The following HELQ variants were observed in gnomAD, a reference collection of about 807,000 sequenced individuals.
HELQ encodes helicase, POLQ like, also known as helicase POLQ-like.
A neutral mutation model predicts 111.6 loss-of-function variants in HELQ; 77 were observed. That is an observed-to-expected ratio of 0.69 (90% confidence interval 0.57 to 0.83). The LOEUF is 0.83. Ranked by LOEUF, HELQ falls within the 40% of genes least tolerant of loss-of-function variation. HELQ has a pLI of 0.00. For synonymous variants in HELQ, 438 were observed against 454.7 expected (o/e 0.96, Z 0.47); for missense variants, 1,200 against 1,288.5 (o/e 0.93, Z 1.05).
intron 6 of HELQ, among the ~76,000 whole-genome samples, chr4:83,441,770 C>CTTT (rs34655032): frequency 3.2e-5 from 4 of 123,834 alleles, no homozygotes; most frequent in Non-Finnish European, 3.4e-5. Context: ...AAAACTTTGT[C>CTTT]TTTTTTTTTT....
At chr4:83,424,309 G>GA (rs1202109341) in intron 14 of HELQ, among the ~76,000 whole-genome samples, 6 of 152,148 alleles carry the variant, frequency 3.9e-5, no homozygotes, top group African/African-American at 1.4e-4. Context: ...GATATAAAAG[G>GA]TTTGTTTTAA....
rs1428669171 is a variant in HELQ, at chr4:83,407,541, G to A, written c.3218C>T (p.Ala1073Val). ...SSAKMLLHEK[A>V]EALQEEVEEL... ...TTCTACCTCTTCTTGCAGGGCTTCT[G>A]CTTTTTCATGCAACAGCATCTACAT... The change falls in exon 18 of 18, where the codon GCA (alanine) becomes GTA (valine). Residue 1073 changes from alanine to valine, a missense_variant. Coordinates refer to ENST00000295488, the MANE Select transcript of HELQ (RefSeq NM_133636.5). 1.9e-6 allele frequency: 3 copies of A among 1,610,768 alleles called. No individual in the cohort carries two copies. Among genetic ancestry groups the A allele is most frequent in the Non-Finnish European group, 2.5e-6 (3 of 1,178,714 alleles).
chr4:83,411,158 A>C (rs1739070610), intron 17 of HELQ, among the ~76,000 whole-genome samples: 1 of 75,418 alleles, frequency 1.3e-5, no homozygotes. Context: ...ACCTTGTCTC[A>C]AAAAAAAAAA....
Position 83,426,103 on chromosome 4 carries a change from A to G in HELQ, c.2677-11T>C, listed in dbSNP as rs1341701399. ...ACTGAGTTGGCTAAACTACATGGAA[A>G]AAGAGCAAATAGATGGAAACATCAA... is the stretch of plus-strand genomic sequence containing the variant. On this transcript the variant is annotated splice_polypyrimidine_tract_variant and intron_variant, in intron 13 of 17. Coordinates refer to ENST00000295488, the MANE Select transcript of HELQ (RefSeq NM_133636.5). The G allele has an allele frequency of 2.1e-6, 3 of 1,449,618 alleles. No individual in the cohort carries two copies. The highest frequency in any genetic ancestry group is 2.9e-6 in the Non-Finnish European group (3 of 1,039,122). The allele number at this position is 1,449,618 out of a possible 1,614,324, so 89.8% of individuals were successfully genotyped here. A position where few individuals can be genotyped will look rare whatever the true frequency, so the allele number is the denominator to read the frequency against.
chr4:83,438,962 AT>A (rs551784938), intron 8 of HELQ, among the ~76,000 whole-genome samples: 93 of 152,204 alleles, frequency 6.1e-4, no homozygotes, highest in African/African-American at 2.2e-3. Context: ...GGACTTTGGA[AT>A]TTTTAAAAGC....
chr4:83,422,643 A>AG (rs1178315464), intron 14 of HELQ, among the ~76,000 whole-genome samples: 1 of 152,212 alleles, frequency 6.6e-6, no homozygotes, highest in Non-Finnish European at 1.5e-5. Flanking sequence ...AGGCTCCTGA[A>AG]GGAATCAACA....
intron 7 of HELQ, 43 bp downstream of exon 7, chr4:83,441,262 C>T (rs2110001072): frequency 9.0e-7 from 1 of 1,115,516 alleles, no homozygotes; most frequent in Non-Finnish European, 1.3e-6. Flanking sequence ...GTGCCCCAGA[C>T]ACAAAGTCTG....
chr4:83,455,746 A>G lies in HELQ; in HGVS notation c.-53T>C, dbSNP rs1042647736. ...GTCGTTCTCAGTGACCCAGACGCTA[A>G]GCCCATATGGAAGGGAGAGTGGGAC... On this transcript the variant is annotated 5_prime_UTR_variant, in exon 1 of 18. Coordinates refer to ENST00000295488, the MANE Select transcript of HELQ (RefSeq NM_133636.5). 1.3e-6 allele frequency: 2 copies of G among 1,536,520 alleles called. No homozygotes were observed. Among genetic ancestry groups the G allele is most frequent in the African/African-American group, 2.7e-5 (2 of 73,524 alleles).
chr4:83,425,420 G>C (rs1043168352), intron 14 of HELQ, among the ~76,000 whole-genome samples: 4 of 151,916 alleles, frequency 2.6e-5, no homozygotes, highest in Non-Finnish European at 5.9e-5. Flanking sequence ...GGAAATCGAA[G>C]GTATGGTTAT....
At chr4:83,441,191 G>A in intron 7 of HELQ, 114 bp downstream of exon 7, 1 of 652,076 alleles carries the variant, frequency 1.5e-6, no homozygotes, top group Non-Finnish European at 2.7e-6. Context: ...CAAATGTCAA[G>A]CATCAGCTGT....
upstream of HELQ, chr4:83,455,848 A>G: frequency 1.2e-6 from 1 of 803,354 alleles, no homozygotes; most frequent in Non-Finnish European, 2.0e-6. Context: ...GGAAGCACGC[A>G]TAAACTTCTA....
chr4:83,436,823 G>C lies in HELQ; in HGVS notation c.2048+35C>G, dbSNP rs112260700. 3,359 of 1,585,136 alleles carry C rather than the reference G, an allele frequency of 2.1e-3. 52 individuals carry two copies. In the African/African-American group the frequency reaches 0.041, roughly 19 times the overall value. Reference sequence around the variant, plus strand: ...CTCCTCGCAAGCTAGAAATGGAAAAGTTCTGAGCCTGGTCAACACTTACTT... The same window carrying C: ...CTCCTCGCAAGCTAGAAATGGAAAACTTCTGAGCCTGGTCAACACTTACTT... On this transcript the variant is annotated intron_variant, in intron 9 of 17. Transcript: ENST00000295488.
chr4:83,453,531 T>C lies in HELQ; in HGVS notation c.712A>G (p.Asn238Asp). The change falls in exon 2 of 18, where the codon AAT becomes GAT. Residue 238 changes from asparagine to aspartate, a missense_variant. Transcript: ENST00000295488. ...TTTTGCTGGGGTTGCTCTATGCAAT[T>C]ATGGGGCAGTTCCTCATTCACAGTG... is the stretch of plus-strand genomic sequence containing the variant. Reference protein sequence around the residue: ...HNTVNEELPHNCIEQPQQNDE... With the variant: ...HNTVNEELPHDCIEQPQQNDE... 6 of 1,613,856 alleles carry C rather than the reference T, an allele frequency of 3.7e-6. No homozygotes were observed. Among genetic ancestry groups the C allele is most frequent in the Non-Finnish European group, 5.1e-6 (6 of 1,179,908 alleles).
chr4:83,431,615 T>C, intron 11 of HELQ, 49 bp downstream of exon 11: 2 of 856,684 alleles, frequency 2.3e-6, no homozygotes, highest in Non-Finnish European at 3.6e-6. Context: ...CTTTTTAACC[T>C]CTATTGTCTC....
At chr4:83,449,296 T>C (rs1387798821) in intron 2 of HELQ, among the ~76,000 whole-genome samples, 1 of 152,232 alleles carries the variant, frequency 6.6e-6, no homozygotes, top group African/African-American at 2.4e-5. Flanking sequence ...TACAAGGACC[T>C]GTGTGAATTC....
Position 83,455,759 on chromosome 4 carries a change from G to A in HELQ, c.-66C>T. 6.8e-7 allele frequency: 1 copy of A among 1,461,064 alleles called. No homozygotes were observed. Among genetic ancestry groups the A allele is most frequent in the Non-Finnish European group, 9.3e-7 (1 of 1,074,666 alleles). 90.5% of individuals were successfully genotyped at this position (1,461,064 alleles called of 1,614,324 possible). The stretch of plus-strand genomic sequence containing the variant: ...ACCCAGACGCTAAGCCCATATGGAA[G>A]GGAGAGTGGGACGCCGGAGCCCGCT... On this transcript the variant is annotated 5_prime_UTR_variant, in exon 1 of 18. Coordinates refer to ENST00000295488, the MANE Select transcript of HELQ (RefSeq NM_133636.5).
At chr4:83,425,806 A>C (rs553612357) in intron 14 of HELQ, among the ~76,000 whole-genome samples, 188 bp downstream of exon 14, 3 of 152,344 alleles carry the variant, frequency 2.0e-5, no homozygotes, top group African/African-American at 7.2e-5. Context: ...ATGTTGTTTA[A>C]AAATATTCAT....
At chr4:83,419,456 ATATAAT>A (rs1739545899) in intron 15 of HELQ, among the ~76,000 whole-genome samples, 1 of 148,304 alleles carries the variant, frequency 6.7e-6, no homozygotes, top group South Asian at 2.1e-4. Flanking sequence ...AATATATATC[ATATAAT>A]TATATATTTA....
chr4:83,429,437 C>T (rs1720024991), intron 12 of HELQ, 87 bp downstream of exon 12: 3 of 1,012,952 alleles, frequency 3.0e-6, no homozygotes, highest in African/African-American at 1.6e-5. Context: ...GCGTGAGCCA[C>T]TGTGCCCAGC....
Sources: gnomAD v4.1 joint callset for allele counts (sites outside exome capture counted in the v4.1 genomes callset) on GRCh38, gnomAD v4.1.1 for gene constraint, MANE v1.5 for transcripts, NCBI Gene and HGNC (gene_info 2026-07-23, HGNC 2026-07-21) for gene names.